The following NAA11 variants were observed in gnomAD, a reference collection of about 807,000 sequenced individuals.
NAA11 encodes N-alpha-acetyltransferase 11.
Under a neutral mutation model 16.1 loss-of-function variants are expected in NAA11, and 15 were observed. The observed-to-expected ratio is 0.93, with a 90% CI of 0.62 to 1.44. NAA11 has a LOEUF of 1.44. Ranked by LOEUF, NAA11 falls within the 40% of genes most tolerant of loss-of-function variation. The pLI, the probability that NAA11 is intolerant of heterozygous loss-of-function variation, is 0.00. For missense variants in NAA11, 298 were observed against 291.3 expected, an observed-to-expected ratio of 1.02 and a Z score of -0.17; for synonymous variants, 122 against 112.4, an observed-to-expected ratio of 1.09 and a Z score of -0.54.
downstream of NAA11, among the ~76,000 whole-genome samples, chr4:79,312,646 C>CA (rs544315352): frequency 5.6e-3 from 388 of 69,286 alleles, 6 homozygotes; most frequent in African/African-American, 7.0e-3. Context: ...GACTCCATCT[C>CA]AAAAAAAAAA....
At chr4:79,224,525 A>C (rs765150991), downstream of NAA11, among the ~76,000 whole-genome samples, 1 of 152,238 alleles carries the variant, frequency 6.6e-6, no homozygotes, top group East Asian at 1.9e-4. Context: ...GCAACCAACC[A>C]GACAAACAAT....
intron 1 of NAA11, among the ~76,000 whole-genome samples, chr4:79,306,502 A>G (rs1218299089): frequency 1.3e-5 from 2 of 152,200 alleles, no homozygotes; most frequent in African/African-American, 4.8e-5. Context: ...CTTCATTTTA[A>G]GTTAATTATT....
chr4:79,206,397 T>A, the NAA11 span, among the ~76,000 whole-genome samples: 1 of 152,120 alleles, frequency 6.6e-6, no homozygotes, highest in African/African-American at 2.4e-5. Context: ...TAATTAAGAA[T>A]AAATAGTAAC....
At chr4:79,192,392 C>T in the NAA11 span, among the ~76,000 whole-genome samples, 3 of 121,278 alleles carry the variant, frequency 2.5e-5, no homozygotes, top group Non-Finnish European at 4.9e-5. Flanking sequence ...CCCCACCCCA[C>T]AACAGGCCCT....
intron 1 of NAA11, among the ~76,000 whole-genome samples, chr4:79,319,567 C>T (rs565772348): frequency 9.2e-5 from 14 of 152,152 alleles, no homozygotes; most frequent in African/African-American, 3.1e-4. Context: ...TTAGGAAAAA[C>T]CTCTGCTTTT....
chr4:79,201,979 T>C, the NAA11 span, among the ~76,000 whole-genome samples: 2 of 151,766 alleles, frequency 1.3e-5, no homozygotes, highest in East Asian at 3.9e-4. Flanking sequence ...AATGCATGTA[T>C]ACATTATATG....
chr4:79,294,344 G>A (rs1455612890), intron 1 of NAA11, among the ~76,000 whole-genome samples: 1 of 152,132 alleles, frequency 6.6e-6, no homozygotes, highest in Admixed American at 6.5e-5. Context: ...GAATCTAGCT[G>A]CGAAAACTAG....
chr4:79,238,445 T>C (rs181278583), intron 2 of NAA11, among the ~76,000 whole-genome samples: 1 of 152,266 alleles, frequency 6.6e-6, no homozygotes, highest in Non-Finnish European at 1.5e-5. Context: ...CTTATGGAAA[T>C]CTAATATAAC....
At chr4:79,171,712 C>T in the NAA11 span, among the ~76,000 whole-genome samples, 115 of 152,060 alleles carry the variant, frequency 7.6e-4, no homozygotes, top group African/African-American at 2.6e-3. Context: ...AAAATGTTAC[C>T]GTGGATTATT....
the NAA11 span, among the ~76,000 whole-genome samples, chr4:79,158,952 A>G: frequency 3.5e-4 from 54 of 152,238 alleles, no homozygotes; most frequent in Middle Eastern, 3.4e-3. Flanking sequence ...TGGACAAAGG[A>G]CTTAAATATA....
chr4:79,297,773 C>A (rs1723264940), intron 1 of NAA11, among the ~76,000 whole-genome samples: 1 of 152,194 alleles, frequency 6.6e-6, no homozygotes, highest in Admixed American at 6.5e-5. Flanking sequence ...TTGGTGCAAG[C>A]AGCCTGGGTG....
At chr4:79,286,901 C>G (rs964486255) in intron 2 of NAA11, among the ~76,000 whole-genome samples, 2 of 151,960 alleles carry the variant, frequency 1.3e-5, no homozygotes, top group African/African-American at 4.8e-5. Flanking sequence ...CCCATCACCC[C>G]CAAAACATTT....
intron 2 of NAA11, among the ~76,000 whole-genome samples, chr4:79,228,350 A>T (rs1016298908): frequency 9.9e-5 from 15 of 152,110 alleles, no homozygotes; most frequent in Admixed American, 5.9e-4. Flanking sequence ...TTTTATTATG[A>T]TATCATTTAT....
the NAA11 span, among the ~76,000 whole-genome samples, chr4:79,220,018 C>T: frequency 6.6e-5 from 10 of 152,158 alleles, no homozygotes; most frequent in African/African-American, 1.4e-4. Flanking sequence ...GTCCTATGTG[C>T]GAAGTCAGCC....
chr4:79,180,183 G>A, the NAA11 span, among the ~76,000 whole-genome samples: 2 of 152,072 alleles, frequency 1.3e-5, no homozygotes, highest in African/African-American at 4.8e-5. Context: ...AAATTAATTT[G>A]TTGTAAATGA....
chr4:79,179,838 G>A, the NAA11 span, among the ~76,000 whole-genome samples: 3 of 152,182 alleles, frequency 2.0e-5, no homozygotes, highest in Non-Finnish European at 2.9e-5. Context: ...AAGGAAGGAG[G>A]TTTAATTGAC....
the NAA11 span, among the ~76,000 whole-genome samples, chr4:79,201,161 T>C: frequency 2.0e-5 from 3 of 151,640 alleles, no homozygotes; most frequent in Admixed American, 2.0e-4. Context: ...TATTTACCCA[T>C]AGAACCTTTA....
chr4:79,166,418 C>G, the NAA11 span, among the ~76,000 whole-genome samples: 2 of 151,556 alleles, frequency 1.3e-5, no homozygotes, highest in African/African-American at 4.8e-5. Context: ...GTGGTGCAAA[C>G]ATAACTCAGC....
chr4:79,244,335 C>T (rs895641402), intron 2 of NAA11, among the ~76,000 whole-genome samples: 17 of 69,672 alleles, frequency 2.4e-4, no homozygotes, highest in African/African-American at 5.2e-4. Flanking sequence ...TCCAGTAATA[C>T]TAAGCCATAG....
Sources: gnomAD v4.1 joint callset for allele counts (sites outside exome capture counted in the v4.1 genomes callset) on GRCh38, gnomAD v4.1.1 for gene constraint, MANE v1.5 for transcripts, NCBI Gene and HGNC (gene_info 2026-07-23, HGNC 2026-07-21) for gene names.